Variants in TTLL5 observed in about 807,000 individuals in gnomAD.
The protein encoded by TTLL5 is tubulin tyrosine ligase like 5, also known as tubulin polyglutamylase TTLL5.
In TTLL5, 132 loss-of-function variants were observed where a neutral mutation model predicts 168.4. That is an observed-to-expected ratio of 0.78 (90% CI 0.68 to 0.91). TTLL5 has a LOEUF of 0.91. Ranked by LOEUF, TTLL5 falls within the 40% of genes least tolerant of loss-of-function variation. TTLL5 has a pLI of 0.00. For missense variants in TTLL5, 1,545 were observed against 1,581.5 expected (o/e 0.98, Z 0.39); for synonymous variants, 546 against 558.6 (o/e 0.98, Z 0.32).
intron 28 of TTLL5, among the ~76,000 whole-genome samples, chr14:75,831,097 A>T (rs188795215): frequency 6.6e-6 from 1 of 152,340 alleles, no homozygotes; most frequent in East Asian, 1.9e-4. Flanking sequence ...GTGGCTCATG[A>T]CTACCATATT....
At chr14:75,920,301 C>G (rs961380734) in intron 31 of TTLL5, among the ~76,000 whole-genome samples, 1 of 152,010 alleles carries the variant, frequency 6.6e-6, no homozygotes, top group African/African-American at 2.4e-5. Flanking sequence ...TTCTAGGGTA[C>G]AAGTGCACAA....
chr14:75,944,997 C>T (rs2034723387), intron 31 of TTLL5, among the ~76,000 whole-genome samples: 1 of 151,936 alleles, frequency 6.6e-6, no homozygotes, highest in Non-Finnish European at 1.5e-5. Flanking sequence ...TGCTAGCAGA[C>T]CACTGCATCT....
intron 31 of TTLL5, among the ~76,000 whole-genome samples, chr14:75,904,590 G>A (rs1326688764): frequency 1.3e-5 from 2 of 152,132 alleles, no homozygotes; most frequent in Non-Finnish European, 2.9e-5. Flanking sequence ...TTATTTAGAA[G>A]ATTTTGTGGC....
chr14:75,763,378 G>GTT (rs781580178), intron 18 of TTLL5, among the ~76,000 whole-genome samples: 41 of 151,920 alleles, frequency 2.7e-4, no homozygotes, highest in Admixed American at 2.2e-3. Context: ...GGACCTTCCT[G>GTT]TTTTTGGCTC....
intron 27 of TTLL5, among the ~76,000 whole-genome samples, chr14:75,812,968 A>G (rs995728430): frequency 6.6e-6 from 1 of 152,218 alleles, no homozygotes; most frequent in Non-Finnish European, 1.5e-5. Context: ...CTAAGTCGCA[A>G]GGCTCAGTGG....
intron 28 of TTLL5, among the ~76,000 whole-genome samples, chr14:75,836,924 A>AT (rs1895900963): frequency 6.6e-6 from 1 of 152,068 alleles, no homozygotes; most frequent in South Asian, 2.1e-4. Flanking sequence ...TTTAAAGCTG[A>AT]TTTTTTTCTT....
intron 31 of TTLL5, among the ~76,000 whole-genome samples, chr14:75,926,144 T>C (rs182766597): frequency 1.5e-5 from 2 of 134,376 alleles, no homozygotes; most frequent in Admixed American, 1.6e-4. Flanking sequence ...AAGACTAGGA[T>C]TGCAACCCCA....
intron 31 of TTLL5, among the ~76,000 whole-genome samples, chr14:75,939,243 G>A (rs2140188420): frequency 6.6e-6 from 1 of 152,350 alleles, no homozygotes; most frequent in South Asian, 2.1e-4. Flanking sequence ...GTAAAAGTAA[G>A]TGTAAGTATT....
chr14:75,891,168 A>G (rs1408890600), intron 30 of TTLL5, among the ~76,000 whole-genome samples: 1 of 152,152 alleles, frequency 6.6e-6, no homozygotes, highest in Non-Finnish European at 1.5e-5. Context: ...AGACTGTTCC[A>G]CACACATGCT....
At chr14:75,746,557 C>CTTTTTTTTTTTT in intron 17 of TTLL5, among the ~76,000 whole-genome samples, 1 of 114,728 alleles carries the variant, frequency 8.7e-6, no homozygotes, top group Non-Finnish European at 1.9e-5. Context: ...CTTTTCTTTT[C>CTTTTTTTTTTTT]TTTTTTTTTT....
chr14:75,912,205 A>G lies in TTLL5; in HGVS notation c.3823+9981A>G, dbSNP rs1489757235. On this transcript the variant is annotated intron_variant, in intron 31 of 31. Transcript: ENST00000298832. ...TTTTTTTTTTTTACATTCAGTTTTC[A>G]GAAGACAGAATGGAATACTTCTCAT... Among the ~76,000 whole-genome samples, 7 of 151,884 alleles carry G rather than the reference A, an allele frequency of 4.6e-5. No individual in the cohort carries two copies. The South Asian group carries it at 1.5e-3, about 32-fold the overall frequency.
chr14:75,937,235 G>A (rs528610811), intron 31 of TTLL5, among the ~76,000 whole-genome samples: 113 of 151,466 alleles, frequency 7.5e-4, no homozygotes, highest in Non-Finnish European at 1.5e-3. Context: ...TCCTGCCTCA[G>A]CCTCCCTAGT....
intron 30 of TTLL5, among the ~76,000 whole-genome samples, chr14:75,897,648 G>A (rs1417714210): frequency 6.6e-6 from 1 of 151,820 alleles, no homozygotes; most frequent in Non-Finnish European, 1.5e-5. Context: ...GGCTAGTTTT[G>A]TATTTTTAGT....
At chr14:75,690,514 G>A (rs1342537262) in intron 6 of TTLL5, among the ~76,000 whole-genome samples, 192 bp downstream of exon 6, 2 of 152,092 alleles carry the variant, frequency 1.3e-5, no homozygotes, top group Non-Finnish European at 2.9e-5. Flanking sequence ...AAACTTGTCA[G>A]TATCATTTAT....
chr14:75,892,967 A>G (rs1402916780), intron 30 of TTLL5, among the ~76,000 whole-genome samples: 1 of 152,202 alleles, frequency 6.6e-6, no homozygotes, highest in Non-Finnish European at 1.5e-5. Flanking sequence ...CACAGAGACC[A>G]GGGCGGGGAA....
intron 29 of TTLL5, among the ~76,000 whole-genome samples, chr14:75,869,520 A>T (rs2030834064): frequency 6.6e-6 from 1 of 152,166 alleles, no homozygotes; most frequent in South Asian, 2.1e-4. Context: ...TGATATTACC[A>T]TATGTCAAGC....
At position 75,771,849 on chromosome 14, in the gene TTLL5, C is replaced by T. The variant is rs1318418261; in HGVS notation, c.2131C>T (p.Gln711Ter). 2 of 1,612,870 alleles carry T rather than the reference C, an allele frequency of 1.2e-6. No individual in the cohort carries two copies. The highest frequency in any genetic ancestry group is 1.7e-6 in the Non-Finnish European group (2 of 1,179,540). The change falls in exon 21 of 32, where the codon CAG becomes TAG. Residue 711 changes from glutamine (Q) to a stop codon, truncating the protein, a stop_gained. Transcript: ENST00000298832. LOFTEE classifies it high-confidence loss of function. ...CAGTTGGGCTGCCAAAGAGGATGAA[C>T]AGATGGTAAGGCTTTTCTTACTGAA... ...SASWAAKEDE[Q>*]MELVVRFLKR...
intron 6 of TTLL5, among the ~76,000 whole-genome samples, chr14:75,692,562 A>G (rs143972125): frequency 6.6e-6 from 1 of 152,332 alleles, no homozygotes; most frequent in Non-Finnish European, 1.5e-5. Flanking sequence ...TAACTATGTG[A>G]AATGAGTCGG....
intron 12 of TTLL5, among the ~76,000 whole-genome samples, chr14:75,731,418 CACACAG>C (rs1397832150): frequency 8.4e-6 from 1 of 119,210 alleles, no homozygotes; most frequent in Non-Finnish European, 1.8e-5. Context: ...CACACACACA[CACACAG>C]GACTGTACAT....
Sources: allele counts gnomAD v4.1 joint callset (sites outside exome capture counted in the v4.1 genomes callset), GRCh38; gene constraint gnomAD v4.1.1; transcripts MANE v1.5; gene names NCBI Gene and HGNC (gene_info 2026-07-23, HGNC 2026-07-21).